Variants in NDRG4 observed in about 807,000 individuals in gnomAD.
The protein encoded by NDRG4 is protein NDRG4.
A neutral mutation model predicts 55.8 loss-of-function variants in NDRG4; 38 were observed. That is an observed-to-expected ratio of 0.68 (90% CI 0.53 to 0.89). NDRG4 has a LOEUF of 0.89. Among genes scored for constraint, NDRG4 ranks in the 40% least tolerant of loss-of-function variants. NDRG4 has a pLI of 0.00. For synonymous variants in NDRG4, 190 were observed against 182.7 expected, an observed-to-expected ratio of 1.04 and a Z score of -0.32; for missense variants, 455 against 468.6, an observed-to-expected ratio of 0.97 and a Z score of 0.27.
intron 5 of NDRG4, among the ~76,000 whole-genome samples, chr16:58,505,052 AG>A (rs1444316685): frequency 1.3e-5 from 2 of 152,288 alleles, no homozygotes; most frequent in East Asian, 3.9e-4. Flanking sequence ...GGTTTAAAGA[AG>A]GCACATTTCA....
upstream of NDRG4, chr16:58,499,788 C>G (rs2036837448): frequency 3.4e-6 from 1 of 295,188 alleles, no homozygotes. Context: ...CTGTGCATGT[C>G]TGTGACGACC....
chr16:58,514,866 C>T (rs2039067815), downstream of NDRG4, among the ~76,000 whole-genome samples: 2 of 151,366 alleles, frequency 1.3e-5, no homozygotes, highest in Non-Finnish European at 2.9e-5. Context: ...TTACATTTAA[C>T]AGCATGCTAC....
intron 2 of NDRG4, among the ~76,000 whole-genome samples, chr16:58,488,471 G>A (rs1434741281): frequency 6.6e-6 from 1 of 152,150 alleles, no homozygotes; most frequent in Non-Finnish European, 1.5e-5. Context: ...CCGTCATACT[G>A]GTGACTGTGA....
chr16:58,487,952 C>A, intron 2 of NDRG4: 1 of 868,102 alleles, frequency 1.2e-6, no homozygotes, highest in Non-Finnish European at 1.7e-6. Flanking sequence ...TCCCTAGGGC[C>A]AGCCACACCG....
In NDRG4 at chr16:58,504,227, C is replaced by T. The variant is rs140710802; in HGVS notation, c.201C>T (p.His67=). 38 of 1,614,056 alleles carry T rather than the reference C, an allele frequency of 2.4e-5. No individual in the cohort carries two copies. Among genetic ancestry groups the T allele is most frequent in the Middle Eastern group, 3.3e-4 (2 of 6,084 alleles). ...QEITKHFVVC[H]VDAPGQQVGA... ...TCACCAAGCACTTTGTGGTGTGTCACGTGGATGCCCCTGGACAACAGGTGG... is the reference window on the plus strand; with the variant it reads ...TCACCAAGCACTTTGTGGTGTGTCATGTGGATGCCCCTGGACAACAGGTGG... The change falls in exon 3 of 15, where the codon CAC becomes CAT. Residue 67 remains histidine, a synonymous_variant. Coordinates refer to ENST00000570248, the MANE Select transcript of NDRG4 (RefSeq NM_001242835.2).
chr16:58,482,782 TTCTC>T (rs1171840455), intron 1 of NDRG4, among the ~76,000 whole-genome samples: 2 of 141,088 alleles, frequency 1.4e-5, no homozygotes, highest in South Asian at 2.6e-4. Context: ...TTTTCCTTCC[TTCTC>T]TCTCTCTCTT....
chr16:58,500,521 GTGGGT>G, intron 1 of NDRG4: 1 of 456,016 alleles, frequency 2.2e-6, no homozygotes, highest in Non-Finnish European at 3.9e-6. Context: ...TGGTTGGGGG[GTGGGT>G]GACATATCTG....
At position 58,470,905 on chromosome 16, in the gene NDRG4, T is replaced by G. The variant is rs1241589892; in HGVS notation, c.-24+7108T>G. 1.1e-3 allele frequency among the ~76,000 whole-genome samples: 61 copies of G among 54,062 alleles called. 3 individuals carry two copies. In the South Asian group the frequency reaches 0.034, roughly 30 times the overall value. The allele number at this position is 54,062 out of a possible 152,430, so 35.5% of individuals were successfully genotyped here. On this transcript the variant is annotated intron_variant, in intron 1 of 15. Transcript: ENST00000258187. ...CTGAGCAACAGAGCAAGACACCATC[T>G]CCAAAAAAAAAAAAAAAAAAAAGAG... is the stretch of plus-strand genomic sequence containing the variant.
chr16:58,481,154 C>T (rs2034340023), intron 1 of NDRG4, among the ~76,000 whole-genome samples: 1 of 152,128 alleles, frequency 6.6e-6, no homozygotes, highest in Non-Finnish European at 1.5e-5. Flanking sequence ...CTCACTTCCT[C>T]AGCTACAAAA....
intron 2 of NDRG4, among the ~76,000 whole-genome samples, chr16:58,493,915 G>A (rs942808380): frequency 1.3e-5 from 2 of 152,264 alleles, no homozygotes; most frequent in Admixed American, 6.5e-5. Flanking sequence ...TGGGTGAGTC[G>A]CACAGCCAGA....
chr16:58,487,642 CA>C (rs2035256494), intron 1 of NDRG4: 7 of 759,438 alleles, frequency 9.2e-6, no homozygotes, highest in African/African-American at 8.9e-5. Flanking sequence ...GCTTGGGGGC[CA>C]GGGGGACAGT....
At chr16:58,468,216 C>G (rs1242831592) in intron 1 of NDRG4, among the ~76,000 whole-genome samples, 3 of 152,124 alleles carry the variant, frequency 2.0e-5, no homozygotes, top group African/African-American at 4.8e-5. Flanking sequence ...CTGTTGGGGT[C>G]CTTCTGGAGG....
In NDRG4 at chr16:58,464,754, G is replaced by C; in HGVS notation, c.-24+957G>C. The C allele has an allele frequency of 1.6e-6, 2 of 1,279,242 alleles. No homozygotes were observed. Among genetic ancestry groups the C allele is most frequent in the Non-Finnish European group, 2.0e-6 (2 of 1,014,812 alleles). 79.2% of individuals were successfully genotyped at this position (1,279,242 alleles called of 1,614,324 possible). A position where few individuals can be genotyped will look rare whatever the true frequency, so the allele number is the denominator to read the frequency against. On this transcript the variant is annotated intron_variant, in intron 1 of 15. Transcript: ENST00000258187. The surrounding 1 kb of genome is among the most constrained non-coding windows in gnomAD (Gnocchi z 4.8). ...GCTCGGATTAGGACCCTGAAAGCTA[G>C]CTCAGGGCTCCTGCCCTCCAATCAG...
chr16:58,506,134 G>A (rs750447157), intron 5 of NDRG4: 38 of 354,116 alleles, frequency 1.1e-4, no homozygotes, highest in South Asian at 3.6e-4. Context: ...TTGAAAGAGC[G>A]TGTGTGTGTG....
chr16:58,503,643 T>C, intron 1 of NDRG4, 155 bp from the exon 2 acceptor site: 1 of 1,454,278 alleles, frequency 6.9e-7, no homozygotes, highest in Non-Finnish European at 9.3e-7. Flanking sequence ...ATCCATTCAG[T>C]CCTCTCTGGG....
At chr16:58,473,926 C>T (rs144468494) in intron 1 of NDRG4, among the ~76,000 whole-genome samples, 4 of 152,024 alleles carry the variant, frequency 2.6e-5, no homozygotes, top group East Asian at 1.9e-4. Flanking sequence ...CAGGGCTGAA[C>T]GGGACCAGCA....
chr16:58,514,383 T>C (rs2039054261), downstream of NDRG4, among the ~76,000 whole-genome samples: 1 of 152,060 alleles, frequency 6.6e-6, no homozygotes, highest in South Asian at 2.1e-4. Context: ...TTCTACAGAG[T>C]AGGTATTATC....
rs553892791 is a variant in NDRG4 at position 58,464,490 on chromosome 16, C to A, written c.-24+693C>A. 4 of 1,308,900 alleles carry A rather than the reference C, an allele frequency of 3.1e-6. No homozygotes were observed. In the Admixed American group the frequency reaches 1.2e-4, roughly 41 times the overall value. The allele number at this position is 1,308,900 out of a possible 1,614,324, so 81.1% of individuals were successfully genotyped here. ...CAGGTACCGCCCGCCTGCCCCGCAG[C>A]CGGCCGCCACTTTCCGAGTTGGAGC... is the stretch of plus-strand genomic sequence containing the variant. On this transcript the variant is annotated intron_variant, in intron 1 of 15. Coordinates refer to the NDRG4 transcript ENST00000258187. The surrounding 1 kb of genome is among the most constrained non-coding windows in gnomAD (Gnocchi z 4.8).
chr16:58,506,602 C>A lies in NDRG4; in HGVS notation c.504C>A (p.His168Gln), dbSNP rs780603051. Residue 168 changes from histidine (H) to glutamine (Q), a missense_variant, in exon 7 of 15, where the codon CAC becomes CAA. His to Gln is a conservative substitution (Grantham distance 24). Coordinates refer to ENST00000570248, the MANE Select transcript of NDRG4 (RefSeq NM_001242835.2). ...TSTLPDTVLSHLFSQEELVNN... is the reference protein window; with the variant it reads ...TSTLPDTVLSQLFSQEELVNN... ...CTTTACCCGACACGGTGCTCTCCCA[C>A]CTCTTCAGCCAGGTAAGGGGGGGAA... 2 of 1,560,588 alleles carry A rather than the reference C, an allele frequency of 1.3e-6. No individual in the cohort carries two copies. Among genetic ancestry groups the A allele is most frequent in the South Asian group, 2.4e-5 (2 of 84,704 alleles).
Sources: gnomAD v4.1 joint callset for allele counts (sites outside exome capture counted in the v4.1 genomes callset) on GRCh38, gnomAD v4.1.1 for gene constraint, Gnocchi (gnomAD v3.1) non-coding constraint, MANE v1.5 for transcripts, NCBI Gene and HGNC (gene_info 2026-07-23, HGNC 2026-07-21) for gene names.